TRUB1: variants seen among roughly 807,000 people sequenced by gnomAD.
TRUB1 encodes the protein TruB pseudouridine synthase family member 1.
A neutral mutation model predicts 33.9 loss-of-function variants in TRUB1; 23 were observed. The ratio of observed to expected loss-of-function variants is 0.68; its 90% CI spans 0.49 to 0.96. The LOEUF (loss-of-function observed/expected upper bound fraction) is 0.96, where lower values mean the gene tolerates loss of function less well. Among genes scored for constraint, TRUB1 ranks in the 40% least tolerant of loss-of-function variants. TRUB1 has a pLI of 0.00. For missense variants in TRUB1, 378 were observed against 422.2 expected, an observed-to-expected ratio of 0.90 and a Z score of 0.92; for synonymous variants, 163 against 165.4, an observed-to-expected ratio of 0.99 and a Z score of 0.11.
chr10:114,944,823 A>G (rs1168976508), intron 2 of TRUB1, among the ~76,000 whole-genome samples: 1 of 152,062 alleles, frequency 6.6e-6, no homozygotes. Flanking sequence ...CATCTCTATA[A>G]AAAATTAAAA....
At chr10:114,941,403 T>G (rs2084186111) in intron 1 of TRUB1, among the ~76,000 whole-genome samples, 1 of 151,800 alleles carries the variant, frequency 6.6e-6, no homozygotes, top group Non-Finnish European at 1.5e-5. Context: ...AGTGGCACAG[T>G]CTTGGCTTAC....
intron 4 of TRUB1, among the ~76,000 whole-genome samples, chr10:114,964,777 A>G (rs779653434): frequency 1.3e-5 from 2 of 149,982 alleles, no homozygotes; most frequent in Non-Finnish European, 2.9e-5. Context: ...CACTTAGGCT[A>G]TTGTTTAAAA....
intron 5 of TRUB1, among the ~76,000 whole-genome samples, chr10:114,970,717 A>C (rs11197016): frequency 0.019 from 2,840 of 152,254 alleles, 78 homozygotes; most frequent in African/African-American, 0.063. Flanking sequence ...CAACAGACAT[A>C]AGGGCAGTTA....
At chr10:114,958,422 C>T (rs888134893) in intron 3 of TRUB1, among the ~76,000 whole-genome samples, 18 of 152,118 alleles carry the variant, frequency 1.2e-4, no homozygotes, top group Admixed American at 2.0e-4. Flanking sequence ...GTGATTTCAT[C>T]GAAGGGCCTT....
intron 3 of TRUB1, among the ~76,000 whole-genome samples, chr10:114,956,148 G>A (rs2084260804): frequency 6.6e-6 from 1 of 152,194 alleles, no homozygotes; most frequent in Non-Finnish European, 1.5e-5. Flanking sequence ...TAGGGAGCTT[G>A]ACGATGAGTA....
At chr10:114,962,345 G>A (rs898076334) in intron 4 of TRUB1, among the ~76,000 whole-genome samples, 3 of 152,186 alleles carry the variant, frequency 2.0e-5, no homozygotes, top group African/African-American at 7.2e-5. Flanking sequence ...AGGAATAATA[G>A]AGTGTTATGA....
intron 3 of TRUB1, among the ~76,000 whole-genome samples, chr10:114,956,284 A>G (rs1159095748): frequency 6.6e-6 from 1 of 152,178 alleles, no homozygotes; most frequent in African/African-American, 2.4e-5. Context: ...ACAGTAGTAG[A>G]ATTCACGGTT....
chr10:114,969,158 A>C (rs2143026295), intron 4 of TRUB1, among the ~76,000 whole-genome samples: 1 of 150,806 alleles, frequency 6.6e-6, no homozygotes. Flanking sequence ...ACGGTCAGGT[A>C]CAGTGGCTCA....
chr10:114,960,813 A>C (rs2084281909), intron 4 of TRUB1, among the ~76,000 whole-genome samples: 1 of 152,100 alleles, frequency 6.6e-6, no homozygotes, highest in African/African-American at 2.4e-5. Flanking sequence ...AGAAGACTTT[A>C]AGATTAAGGA....
At chr10:114,949,023 C>T (rs1446179065) in intron 2 of TRUB1, among the ~76,000 whole-genome samples, 3 of 152,364 alleles carry the variant, frequency 2.0e-5, no homozygotes, top group Admixed American at 2.0e-4. Context: ...GATGCTCCCA[C>T]CTTTGCCCTG....
intron 2 of TRUB1, among the ~76,000 whole-genome samples, chr10:114,944,624 A>C (rs1471237976): frequency 6.6e-6 from 1 of 151,982 alleles, no homozygotes; most frequent in Non-Finnish European, 1.5e-5. Flanking sequence ...GCGCCACTGC[A>C]CTCCAGCCTG....
chr10:114,961,974 C>G (rs1281988194), intron 4 of TRUB1, among the ~76,000 whole-genome samples: 1 of 152,092 alleles, frequency 6.6e-6, no homozygotes. Context: ...CTTGAATTTA[C>G]TTATACATTG....
intron 3 of TRUB1, among the ~76,000 whole-genome samples, chr10:114,959,425 G>C (rs2084275874): frequency 6.6e-6 from 1 of 152,100 alleles, no homozygotes; most frequent in Non-Finnish European, 1.5e-5. Flanking sequence ...AAACTTCTCA[G>C]TATAAAGGTG....
At chr10:114,947,148 G>C (rs994934366) in intron 2 of TRUB1, among the ~76,000 whole-genome samples, 4 of 151,788 alleles carry the variant, frequency 2.6e-5, no homozygotes, top group Admixed American at 2.6e-4. Context: ...ACAAGCCAAA[G>C]AATGGGGGCA....
chr10:114,951,193 T>C (rs1237369612), intron 3 of TRUB1, 44 bp downstream of exon 3: 1 of 1,471,730 alleles, frequency 6.8e-7, no homozygotes, highest in South Asian at 1.2e-5. Context: ...ATGTTCTTAA[T>C]GATCTACATG....
chr10:114,956,941 A>T (rs1001424156), intron 3 of TRUB1, among the ~76,000 whole-genome samples: 1 of 152,178 alleles, frequency 6.6e-6, no homozygotes, highest in African/African-American at 2.4e-5. Flanking sequence ...ATGTTGATTT[A>T]GATATTGTCT....
chr10:114,939,648 G>A (rs1047821632), intron 1 of TRUB1, among the ~76,000 whole-genome samples: 1 of 152,112 alleles, frequency 6.6e-6, no homozygotes, highest in Non-Finnish European at 1.5e-5. Context: ...CCAGTATCAC[G>A]ACTACTTATT....
rs138234005 is a variant in TRUB1 at position 114,942,803 on chromosome 10, G to A, written c.385+60G>A. ...TCACTTAATATCAGAAAGAAACACTGGTTGAGAACAGATAGATTGACTAAA... is the reference window on the plus strand; with the variant it reads ...TCACTTAATATCAGAAAGAAACACTAGTTGAGAACAGATAGATTGACTAAA... On this transcript the variant is annotated intron_variant, in intron 2 of 7. Transcript: ENST00000298746. 5.4e-4 allele frequency: 590 copies of A among 1,099,494 alleles called. 3 individuals carry two copies. The African/African-American group carries it at 7.6e-3, about 14-fold the overall frequency. 68.1% of individuals were successfully genotyped at this position (1,099,494 alleles called of 1,614,324 possible).
intron 1 of TRUB1, among the ~76,000 whole-genome samples, chr10:114,940,620 G>T (rs563605422): frequency 4.6e-5 from 7 of 152,266 alleles, no homozygotes; most frequent in South Asian, 2.1e-4. Context: ...AAAAATCCAC[G>T]AATACTTAGT....
Sources: allele counts gnomAD v4.1 joint callset (sites outside exome capture counted in the v4.1 genomes callset), GRCh38; gene constraint gnomAD v4.1.1; transcripts MANE v1.5; gene names NCBI Gene and HGNC (gene_info 2026-07-23, HGNC 2026-07-21).